CCDC3: variants seen among roughly 807,000 people sequenced by gnomAD.
The protein encoded by CCDC3 is coiled-coil domain containing 3, also known as coiled-coil domain-containing protein 3.
Under a neutral mutation model 21.4 loss-of-function variants are expected in CCDC3, and 24 were observed. The ratio of observed to expected loss-of-function variants is 1.12; its 90% CI spans 0.81 to 1.58. The LOEUF (loss-of-function observed/expected upper bound fraction) is 1.58, where lower values mean the gene tolerates loss of function less well. Ranked by LOEUF, CCDC3 falls within the 40% of genes most tolerant of loss-of-function variation. The probability of loss-of-function intolerance (pLI) is 0.00; values close to 1 mark genes in which losing one functional copy is unlikely to be tolerated. For synonymous variants in CCDC3, 186 were observed against 166.0 expected, an observed-to-expected ratio of 1.12 and a Z score of -0.93; for missense variants, 425 against 360.9, an observed-to-expected ratio of 1.18 and a Z score of -1.44.
intron 5 of CCDC3, among the ~76,000 whole-genome samples, chr10:13,045,715 G>A (rs1335633124): frequency 6.6e-6 from 1 of 152,034 alleles, no homozygotes; most frequent in Admixed American, 6.6e-5. Context: ...AAATAGGCAG[G>A]GTCCTCATCA....
intron 2 of CCDC3, among the ~76,000 whole-genome samples, chr10:12,904,832 C>T (rs1834146555): frequency 6.6e-6 from 1 of 152,150 alleles, no homozygotes; most frequent in African/African-American, 2.4e-5. Flanking sequence ...TATGTTCATT[C>T]ATTCTGGCAA....
At chr10:12,983,169 T>TAC (rs1472714048) in intron 2 of CCDC3, among the ~76,000 whole-genome samples, 1 of 133,418 alleles carries the variant, frequency 7.5e-6, no homozygotes, top group African/African-American at 2.8e-5. Flanking sequence ...TATATATATA[T>TAC]ATATAAAATC....
chr10:12,909,092 C>G (rs1037181872), intron 2 of CCDC3, among the ~76,000 whole-genome samples: 1 of 152,212 alleles, frequency 6.6e-6, no homozygotes, highest in African/African-American at 2.4e-5. Context: ...GTTACAGCAT[C>G]TGAAAGACAT....
At chr10:12,980,203 C>T (rs1835474508) in intron 2 of CCDC3, among the ~76,000 whole-genome samples, 1 of 152,314 alleles carries the variant, frequency 6.6e-6, no homozygotes, top group South Asian at 2.1e-4. Context: ...CTGCCAAAAG[C>T]ATCTGGGTTT....
At chr10:13,015,704 C>G (rs560674537) in intron 5 of CCDC3, among the ~76,000 whole-genome samples, 2 of 152,040 alleles carry the variant, frequency 1.3e-5, no homozygotes, top group Non-Finnish European at 2.9e-5. Context: ...GAGATAGAAA[C>G]AGACGTGACA....
chr10:13,031,376 G>A (rs2131411476), intron 5 of CCDC3, among the ~76,000 whole-genome samples: 1 of 152,134 alleles, frequency 6.6e-6, no homozygotes, highest in East Asian at 1.9e-4. Flanking sequence ...TGCACTAAAT[G>A]CCCACAAAAG....
chr10:12,993,510 T>C (rs1835709018), intron 2 of CCDC3, among the ~76,000 whole-genome samples: 1 of 152,132 alleles, frequency 6.6e-6, no homozygotes, highest in Non-Finnish European at 1.5e-5. Flanking sequence ...CAGACTGACA[T>C]AAGTATGGGT....
At chr10:12,991,888 T>C (rs371358952) in intron 2 of CCDC3, among the ~76,000 whole-genome samples, 6 of 152,184 alleles carry the variant, frequency 3.9e-5, no homozygotes, top group Non-Finnish European at 7.3e-5. Context: ...ATCCTTATTA[T>C]GGACAAAGGC....
intron 2 of CCDC3, among the ~76,000 whole-genome samples, chr10:12,948,249 T>G (rs1453437788): frequency 2.0e-5 from 3 of 152,082 alleles, no homozygotes. Context: ...ACCATAATTG[T>G]GAGGCCTCCC....
chr10:12,930,725 C>A (rs940149786), intron 2 of CCDC3, among the ~76,000 whole-genome samples: 5 of 152,122 alleles, frequency 3.3e-5, no homozygotes, highest in African/African-American at 1.2e-4. Flanking sequence ...TGGGCAGAGA[C>A]CAAAGATGCT....
intron 2 of CCDC3, among the ~76,000 whole-genome samples, chr10:12,985,231 A>T (rs1307706847): frequency 6.6e-6 from 1 of 152,244 alleles, no homozygotes; most frequent in African/African-American, 2.4e-5. Flanking sequence ...ATGAGATAGC[A>T]CTGCACACCT....
At chr10:13,071,355 T>G (rs752816176) in intron 4 of CCDC3, among the ~76,000 whole-genome samples, 2 of 152,028 alleles carry the variant, frequency 1.3e-5, no homozygotes, top group African/African-American at 4.8e-5. Flanking sequence ...CTCAAAGCCC[T>G]AGGAAAGAAA....
At chr10:12,969,059 C>G (rs1427987570) in intron 2 of CCDC3, among the ~76,000 whole-genome samples, 1 of 152,032 alleles carries the variant, frequency 6.6e-6, no homozygotes, top group Non-Finnish European at 1.5e-5. Context: ...AAACTACACA[C>G]CTGATAAGAA....
chr10:12,905,110 C>T (rs1446388591), intron 2 of CCDC3, among the ~76,000 whole-genome samples: 2 of 152,122 alleles, frequency 1.3e-5, no homozygotes, highest in African/African-American at 2.4e-5. Context: ...AAAGCAACAA[C>T]ACAGACAAAT....
chr10:12,939,154 C>T (rs545313135), intron 2 of CCDC3, among the ~76,000 whole-genome samples: 7 of 152,090 alleles, frequency 4.6e-5, no homozygotes, highest in African/African-American at 4.8e-5. Context: ...CTATCACTTC[C>T]GCATTCGCCC....
At chr10:12,903,752 C>T (rs1036338767) in intron 2 of CCDC3, among the ~76,000 whole-genome samples, 6 of 152,244 alleles carry the variant, frequency 3.9e-5, no homozygotes, top group African/African-American at 1.4e-4. Context: ...GGAGCCTGCT[C>T]TTTTATTTTC....
chr10:12,925,451 C>G (rs1237708631), intron 2 of CCDC3, among the ~76,000 whole-genome samples: 1 of 152,234 alleles, frequency 6.6e-6, no homozygotes, highest in Non-Finnish European at 1.5e-5. Flanking sequence ...TAAGTAACCT[C>G]TCCCCCAGCG....
intron 3 of CCDC3, among the ~76,000 whole-genome samples, chr10:13,084,392 G>A (rs1320346177): frequency 6.6e-6 from 1 of 151,338 alleles, no homozygotes; most frequent in African/African-American, 2.4e-5. Context: ...GGGTTCAAGC[G>A]ATTCTTGTGC....
intron 5 of CCDC3, among the ~76,000 whole-genome samples, chr10:13,022,242 CCT>C (rs1272397018): frequency 1.3e-5 from 2 of 152,076 alleles, no homozygotes; most frequent in Admixed American, 6.6e-5. Flanking sequence ...TCAAAGCAAT[CCT>C]CTCTCTCTTT....
Sources: gnomAD v4.1 joint callset for allele counts (sites outside exome capture counted in the v4.1 genomes callset) on GRCh38, gnomAD v4.1.1 for gene constraint, MANE v1.5 for transcripts, NCBI Gene and HGNC (gene_info 2026-07-23, HGNC 2026-07-21) for gene names.